The following DPP10 variants were observed in gnomAD, a reference collection of about 807,000 sequenced individuals.
DPP10 encodes dipeptidyl peptidase like 10.
DPP10 carries 33 observed loss-of-function variants against 120.9 expected under a neutral mutation model. That is an observed-to-expected ratio of 0.27 (90% confidence interval 0.21 to 0.37). DPP10 has a LOEUF of 0.37. DPP10 is among the 10% of genes least tolerant of loss of function. DPP10 has a pLI of 1.00. For synonymous variants in DPP10, 337 were observed against 326.1 expected (o/e 1.03, Z -0.36); for missense variants, 816 against 942.8 (o/e 0.87, Z 1.76).
chr2:115,239,965 G>T (rs2105557711), intron 1 of DPP10, among the ~76,000 whole-genome samples: 1 of 152,288 alleles, frequency 6.6e-6, no homozygotes, highest in Middle Eastern at 3.4e-3. Context: ...GTATTCCATG[G>T]TGAATATGTG....
At chr2:115,671,875 G>A (rs1389936377) in intron 5 of DPP10, among the ~76,000 whole-genome samples, 1 of 152,140 alleles carries the variant, frequency 6.6e-6, no homozygotes, top group Admixed American at 6.5e-5. Flanking sequence ...GAATGCTGAA[G>A]TCACTGAATC....
intron 1 of DPP10, among the ~76,000 whole-genome samples, chr2:114,677,242 A>G (rs1392529553): frequency 1.3e-5 from 2 of 152,236 alleles, no homozygotes; most frequent in Admixed American, 6.5e-5. Flanking sequence ...AAGGCTCTTA[A>G]CTATTAACAT....
intron 1 of DPP10, among the ~76,000 whole-genome samples, chr2:114,448,671 A>T: frequency 6.6e-6 from 1 of 152,206 alleles, no homozygotes; most frequent in East Asian, 1.9e-4. Context: ...AATAAGACAC[A>T]TCTGTGCTAT....
intron 1 of DPP10, among the ~76,000 whole-genome samples, chr2:115,247,952 A>G (rs574689210): frequency 6.6e-6 from 1 of 151,976 alleles, no homozygotes; most frequent in Non-Finnish European, 1.5e-5. Context: ...CTCCAGGGAG[A>G]GCATAACATG....
intron 1 of DPP10, among the ~76,000 whole-genome samples, chr2:114,696,203 T>A (rs924830079): frequency 6.6e-6 from 1 of 152,068 alleles, no homozygotes; most frequent in African/African-American, 2.4e-5. Flanking sequence ...TTTCCATCAA[T>A]GTCTTGCTCC....
intron 3 of DPP10, among the ~76,000 whole-genome samples, chr2:115,498,015 A>G (rs1243389935): frequency 1.3e-5 from 2 of 151,030 alleles, no homozygotes; most frequent in African/African-American, 4.8e-5. Flanking sequence ...ACAGGCCTTA[A>G]TTTAAAGATC....
intron 4 of DPP10, among the ~76,000 whole-genome samples, chr2:115,503,589 T>C (rs530555889): frequency 6.6e-6 from 1 of 152,138 alleles, no homozygotes; most frequent in Non-Finnish European, 1.5e-5. Flanking sequence ...TAATGGCCAA[T>C]AGTAATGGAT....
chr2:115,336,585 CT>C (rs1240809864), intron 2 of DPP10, among the ~76,000 whole-genome samples: 1 of 147,846 alleles, frequency 6.8e-6, no homozygotes, highest in East Asian at 2.0e-4. Flanking sequence ...CTCTCTCTGT[CT>C]CTCTCTCTCT....
Position 114,924,379 on chromosome 2 carries a change from T to G in DPP10, c.61-384860T>G, listed in dbSNP as rs564545171. On this transcript the variant is annotated intron_variant, in intron 1 of 25. Transcript: ENST00000410059. Reference sequence around the variant, plus strand: ...CCATCTCTCTGAAAAACACAAAAATTAGTCAGGCATGGTGGTGTGTGCCGT... The same window carrying G: ...CCATCTCTCTGAAAAACACAAAAATGAGTCAGGCATGGTGGTGTGTGCCGT... Among the ~76,000 whole-genome samples the G allele has an allele frequency of 9.9e-5, 15 of 151,974 alleles. No individual in the cohort carries two copies. The East Asian group carries it at 1.2e-3, about 12-fold the overall frequency.
chr2:114,923,460 T>G (rs1330253949), intron 1 of DPP10, among the ~76,000 whole-genome samples: 1 of 147,006 alleles, frequency 6.8e-6, no homozygotes. Flanking sequence ...CCACCACGCT[T>G]GGCCTTTTTT....
chr2:114,987,802 G>GTTTTTT (rs1434384449), intron 1 of DPP10, among the ~76,000 whole-genome samples: 1 of 8,254 alleles, frequency 1.2e-4, no homozygotes, highest in Non-Finnish European at 2.4e-4. Flanking sequence ...TGTGGAGACT[G>GTTTTTT]TCTTTTTTTT....
chr2:114,876,587 A>G (rs1205712516), intron 1 of DPP10, among the ~76,000 whole-genome samples: 5 of 152,112 alleles, frequency 3.3e-5, no homozygotes, highest in Non-Finnish European at 7.4e-5. Context: ...AAATTTGATG[A>G]CATATGCCAT....
At chr2:115,622,691 A>G (rs937100518) in intron 5 of DPP10, among the ~76,000 whole-genome samples, 2 of 151,570 alleles carry the variant, frequency 1.3e-5, no homozygotes, top group East Asian at 1.9e-4. Flanking sequence ...GAGGATCCCA[A>G]TTTCTCTTCA....
chr2:115,675,961 G>A lies in DPP10; in HGVS notation c.442-13726G>A, dbSNP rs561540073. On this transcript the variant is annotated intron_variant, in intron 5 of 25. Transcript: ENST00000410059. ...ACCAGCTGGACCCAATAGTTCAGCTGTGACTGTTGTACTGAAGCACATGCA... is the reference window on the plus strand; with the variant it reads ...ACCAGCTGGACCCAATAGTTCAGCTATGACTGTTGTACTGAAGCACATGCA... 1.2e-4 allele frequency among the ~76,000 whole-genome samples: 19 copies of A among 152,246 alleles called. No homozygotes were observed. The South Asian group carries it at 1.5e-3, about 12-fold the overall frequency.
At chr2:115,194,515 T>G (rs931695838) in intron 1 of DPP10, among the ~76,000 whole-genome samples, 26 of 152,274 alleles carry the variant, frequency 1.7e-4, no homozygotes, top group African/African-American at 5.8e-4. Context: ...TTGTTTACAC[T>G]GACAAAAAGA....
intron 5 of DPP10, among the ~76,000 whole-genome samples, chr2:115,639,738 A>T (rs1210643604): frequency 1.3e-5 from 2 of 152,134 alleles, no homozygotes; most frequent in African/African-American, 4.8e-5. Context: ...CAGACCTAGG[A>T]ACCGGAATCT....
At chr2:114,901,987 T>G (rs1163683072) in intron 1 of DPP10, among the ~76,000 whole-genome samples, 1 of 152,202 alleles carries the variant, frequency 6.6e-6, no homozygotes, top group African/African-American at 2.4e-5. Context: ...TTGTTGACTT[T>G]CTGAAGACCC....
intron 5 of DPP10, among the ~76,000 whole-genome samples, chr2:115,609,237 T>C (rs572102053): frequency 6.6e-6 from 1 of 152,234 alleles, no homozygotes; most frequent in South Asian, 2.1e-4. Flanking sequence ...AAGCTAGTGA[T>C]CCATATCTGG....
chr2:114,828,182 T>C (rs1686734538), intron 1 of DPP10, among the ~76,000 whole-genome samples: 1 of 152,134 alleles, frequency 6.6e-6, no homozygotes, highest in Non-Finnish European at 1.5e-5. Context: ...GCAAGTTTCA[T>C]CCTCTGATAA....
Sources: gnomAD v4.1 joint callset for allele counts (sites outside exome capture counted in the v4.1 genomes callset) on GRCh38, gnomAD v4.1.1 for gene constraint, MANE v1.5 for transcripts, NCBI Gene and HGNC (gene_info 2026-07-23, HGNC 2026-07-21) for gene names.